The following ASIC2 variants were observed in gnomAD, a reference collection of about 807,000 sequenced individuals.
ASIC2 encodes acid sensing ion channel subunit 2.
ASIC2 carries 25 observed loss-of-function variants against 57.3 expected under a neutral mutation model. The observed-to-expected ratio is 0.44, with a 90% CI of 0.32 to 0.61. ASIC2 has a LOEUF of 0.61. Ranked by LOEUF, ASIC2 falls within the 20% of genes least tolerant of loss-of-function variation. The pLI, the probability that ASIC2 is intolerant of heterozygous loss-of-function variation, is 0.06. For synonymous variants in ASIC2, 319 were observed against 307.5 expected (o/e 1.04, Z -0.39); for missense variants, 641 against 738.1 (o/e 0.87, Z 1.52).
chr17:33,102,282 A>G (rs1178849735), intron 2 of ASIC2, among the ~76,000 whole-genome samples: 3 of 152,228 alleles, frequency 2.0e-5, no homozygotes, highest in African/African-American at 7.2e-5. Flanking sequence ...CCCCTCCAGA[A>G]ACTGGAAAAC....
At chr17:33,696,997 C>G (rs1033438519) in intron 1 of ASIC2, among the ~76,000 whole-genome samples, 2 of 152,068 alleles carry the variant, frequency 1.3e-5, no homozygotes. Context: ...TGGTTTTGCA[C>G]CATTCCTCTT....
At chr17:33,178,335 G>A (rs1905843538) in intron 1 of ASIC2, among the ~76,000 whole-genome samples, 1 of 152,166 alleles carries the variant, frequency 6.6e-6, no homozygotes, top group African/African-American at 2.4e-5. Context: ...GGTTTAGATA[G>A]AGAGACAGAC....
intron 1 of ASIC2, among the ~76,000 whole-genome samples, chr17:33,887,174 G>A (rs1283099202): frequency 1.3e-5 from 2 of 152,082 alleles, no homozygotes; most frequent in East Asian, 3.9e-4. Flanking sequence ...CCAACACTTT[G>A]CCTAATTCCC....
At chr17:33,439,447 A>C (rs1421713716) in intron 1 of ASIC2, among the ~76,000 whole-genome samples, 2 of 152,122 alleles carry the variant, frequency 1.3e-5, no homozygotes, top group African/African-American at 4.8e-5. Context: ...CCCTGAGAGG[A>C]CTTAAGAGCA....
chr17:33,960,208 C>T (rs747237459), intron 1 of ASIC2, among the ~76,000 whole-genome samples: 1 of 152,220 alleles, frequency 6.6e-6, no homozygotes, highest in Non-Finnish European at 1.5e-5. Flanking sequence ...TAGCCCGCAG[C>T]TGCCAGCAGC....
At chr17:33,933,731 TTA>T (rs1232323658) in intron 1 of ASIC2, among the ~76,000 whole-genome samples, 1 of 152,178 alleles carries the variant, frequency 6.6e-6, no homozygotes, top group African/African-American at 2.4e-5. Context: ...GATGTCAGGA[TTA>T]AAAGGAAAGA....
At chr17:33,207,682 G>A (rs973279121) in intron 1 of ASIC2, among the ~76,000 whole-genome samples, 21 of 152,064 alleles carry the variant, frequency 1.4e-4, no homozygotes, top group African/African-American at 4.3e-4. Context: ...TCCAACCATC[G>A]GCACCTGCAT....
intron 1 of ASIC2, among the ~76,000 whole-genome samples, chr17:33,859,036 A>G (rs1246200391): frequency 2.0e-5 from 3 of 152,246 alleles, no homozygotes; most frequent in Non-Finnish European, 2.9e-5. Flanking sequence ...TGTAGTCAAT[A>G]TCTGCTGAGT....
At position 33,799,097 on chromosome 17, in the gene ASIC2, C is replaced by T. The variant is rs1192325261; in HGVS notation, c.555+356881G>A. Among the ~76,000 whole-genome samples, 4 of 152,238 alleles carry T rather than the reference C, an allele frequency of 2.6e-5. No individual in the cohort carries two copies. In the South Asian group the frequency reaches 6.2e-4, roughly 24 times the overall value. ...TAAATAGAATTGACAAATGCCTTGA[C>T]CTCCAACTTAGTTCTTTCTGCTCTT... On this transcript the variant is annotated intron_variant, in intron 1 of 9. Coordinates refer to the ASIC2 transcript ENST00000359872.
chr17:33,562,199 AT>A (rs1464272239), intron 1 of ASIC2, among the ~76,000 whole-genome samples: 1 of 146,398 alleles, frequency 6.8e-6, no homozygotes, highest in Non-Finnish European at 1.5e-5. Context: ...GCACTTTCAA[AT>A]TTGACATTTT....
intron 1 of ASIC2, among the ~76,000 whole-genome samples, chr17:33,444,911 A>C (rs1172439194): frequency 1.3e-5 from 2 of 152,142 alleles, no homozygotes. Context: ...TTTGTAAATA[A>C]AGTTTTATTG....
intron 1 of ASIC2, among the ~76,000 whole-genome samples, chr17:33,341,115 G>A (rs985432296): frequency 6.6e-6 from 1 of 152,156 alleles, no homozygotes; most frequent in East Asian, 1.9e-4. Context: ...GATCTTTAAG[G>A]TATCCAATCC....
intron 1 of ASIC2, among the ~76,000 whole-genome samples, chr17:34,117,088 G>T (rs1646915954): frequency 6.6e-6 from 1 of 151,670 alleles, no homozygotes; most frequent in Non-Finnish European, 1.5e-5. Context: ...ACAGGTTACT[G>T]TCAGACTCCA....
chr17:33,951,759 T>TA (rs1029755773), intron 1 of ASIC2, among the ~76,000 whole-genome samples: 2 of 97,974 alleles, frequency 2.0e-5, no homozygotes, highest in African/African-American at 6.1e-5. Flanking sequence ...ATTTTTGTAT[T>TA]TTTTTTTTTT....
chr17:33,503,832 A>G (rs138646400), intron 1 of ASIC2, among the ~76,000 whole-genome samples: 135 of 152,294 alleles, frequency 8.9e-4, no homozygotes, highest in African/African-American at 3.0e-3. Context: ...AGCCCTAGGG[A>G]CACTATCAAC....
At chr17:34,086,557 G>C (rs938475511) in intron 1 of ASIC2, among the ~76,000 whole-genome samples, 7 of 152,020 alleles carry the variant, frequency 4.6e-5, no homozygotes, top group African/African-American at 1.7e-4. Flanking sequence ...TATTAGGTCC[G>C]CTTGGTGCAG....
chr17:33,170,102 T>C (rs1905454026), intron 1 of ASIC2, among the ~76,000 whole-genome samples: 1 of 152,222 alleles, frequency 6.6e-6, no homozygotes, highest in Admixed American at 6.5e-5. Flanking sequence ...TGTGGGAATG[T>C]GGGAGTCCTT....
intron 1 of ASIC2, among the ~76,000 whole-genome samples, chr17:33,864,170 G>C (rs12452412): frequency 0.29 from 43,490 of 151,944 alleles, 6,923 homozygotes; most frequent in East Asian, 0.61. Flanking sequence ...CCCACCCAAA[G>C]TGCTGGGATT....
At chr17:33,543,477 T>C (rs1234260515) in intron 1 of ASIC2, among the ~76,000 whole-genome samples, 1 of 152,134 alleles carries the variant, frequency 6.6e-6, no homozygotes, top group Non-Finnish European at 1.5e-5. Flanking sequence ...ATGGCTCAAG[T>C]TGCATCTCCC....
Sources: allele counts gnomAD v4.1 joint callset (sites outside exome capture counted in the v4.1 genomes callset), GRCh38; gene constraint gnomAD v4.1.1; transcripts MANE v1.5; gene names NCBI Gene and HGNC (gene_info 2026-07-23, HGNC 2026-07-21).